The following PTGES variants were observed in gnomAD, a reference collection of about 807,000 sequenced individuals.
PTGES encodes prostaglandin E synthase.
In PTGES, 3 loss-of-function variants were observed where a neutral mutation model predicts 11.8. The ratio of observed to expected loss-of-function variants is 0.25; its 90% CI spans 0.12 to 0.66. The LOEUF is 0.66. Ranked by LOEUF, PTGES falls within the 30% of genes least tolerant of loss-of-function variation. PTGES has a pLI of 0.82. For missense variants in PTGES, 180 were observed against 213.0 expected (o/e 0.85, Z 0.96); for synonymous variants, 94 against 90.4 (o/e 1.04, Z -0.22).
Position 129,753,037 on chromosome 9 carries a change from G to A in PTGES, c.-25C>T. On this transcript the variant is annotated 5_prime_UTR_variant, in exon 1 of 3. Transcript: ENST00000340607. ...TCTCTGGCCAGCGCAGCTCAACTGT[G>A]GGTGTGATCAGCTCGACAGAGGAGC... 6.3e-7 allele frequency: 1 copy of A among 1,595,530 alleles called. No individual in the cohort carries two copies. Among genetic ancestry groups the A allele is most frequent in the African/African-American group, 1.3e-5 (1 of 74,990 alleles).
chr9:129,740,741 G>T (rs577814910), intron 2 of PTGES, among the ~76,000 whole-genome samples: 2 of 152,284 alleles, frequency 1.3e-5, no homozygotes, highest in South Asian at 2.1e-4. Context: ...CCTTTATGAA[G>T]GGTGGGGAGG....
At position 129,739,386 on chromosome 9, in the gene PTGES, C is replaced by A; in HGVS notation, c.*225G>T. 1.7e-6 allele frequency: 1 copy of A among 590,668 alleles called. No individual in the cohort carries two copies. The highest frequency in any genetic ancestry group is 2.3e-5 in the South Asian group (1 of 43,730). 36.6% of individuals were successfully genotyped at this position (590,668 alleles called of 1,614,324 possible). ...TCTGTCTTGAAATGGTTCCCATCAG[C>A]CACTTCGTGCAGGAATCCAAGGGGC... is the stretch of plus-strand genomic sequence containing the variant. On this transcript the variant is annotated 3_prime_UTR_variant, in exon 3 of 3. Transcript: ENST00000340607. The surrounding 1 kb of genome is among the most constrained non-coding windows in gnomAD (Gnocchi z 5.7).
chr9:129,745,334 A>T lies in PTGES; in HGVS notation c.209+3321T>A, dbSNP rs1353410577. Among the ~76,000 whole-genome samples the T allele has an allele frequency of 6.6e-6, 1 of 152,200 alleles. No homozygotes were observed. The highest frequency in any genetic ancestry group is 1.5e-5 in the Non-Finnish European group (1 of 68,040). On this transcript the variant is annotated intron_variant, in intron 2 of 2. Coordinates refer to ENST00000340607, the MANE Select transcript of PTGES (RefSeq NM_004878.5). This position sits in a 1 kb window ranked among gnomAD's most constrained non-coding sequence, Gnocchi z 4.2. ...TCACATTTGGACTGCAGCATGTGCT[A>T]ACCTGCAAGGCAGATTCATGCTCCA...
At chr9:129,748,957 T>TG (rs1210879731) in intron 1 of PTGES, among the ~76,000 whole-genome samples, 1 of 152,152 alleles carries the variant, frequency 6.6e-6, no homozygotes, top group Non-Finnish European at 1.5e-5. Context: ...CACAGTCCGA[T>TG]GGGGGAGTTG....
intron 1 of PTGES, among the ~76,000 whole-genome samples, chr9:129,751,202 A>G (rs913690029): frequency 6.6e-6 from 1 of 152,112 alleles, no homozygotes; most frequent in Non-Finnish European, 1.5e-5. Context: ...GCACACCTAT[A>G]GTCCCAGCTA....
intron 2 of PTGES, among the ~76,000 whole-genome samples, chr9:129,743,356 T>C (rs920521515): frequency 6.6e-6 from 1 of 152,118 alleles, no homozygotes; most frequent in Admixed American, 6.6e-5. Context: ...CCGAGAGACA[T>C]GGAGGCAGGC....
chr9:129,743,941 T>G (rs916323928), intron 2 of PTGES, among the ~76,000 whole-genome samples: 10 of 152,112 alleles, frequency 6.6e-5, no homozygotes, highest in Non-Finnish European at 1.5e-4. Context: ...CTCCACCTCC[T>G]GGGTTCAAGT....
At chr9:129,751,069 G>A (rs1251792717) in intron 1 of PTGES, among the ~76,000 whole-genome samples, 2 of 152,154 alleles carry the variant, frequency 1.3e-5, no homozygotes, top group East Asian at 3.9e-4. Flanking sequence ...GCTCACACCT[G>A]TAATCCCAGA....
Position 129,752,916 on chromosome 9 carries a change from T to C in PTGES, c.97A>G (p.Ile33Val), listed in dbSNP as rs747597953. 10 of 1,613,902 alleles carry C rather than the reference T, an allele frequency of 6.2e-6. No individual in the cohort carries two copies. The East Asian group carries it at 1.6e-4, about 25-fold the overall frequency. ...LVIKMYVVAIITGQVRLRKKA... is the reference protein window; with the variant it reads ...LVIKMYVVAIVTGQVRLRKKA... ...TTCCGCAGCCTCACTTGGCCCGTGA[T>C]GATGGCCACCACGTACATCTTGATG... The change falls in exon 1 of 3, where the codon ATC (isoleucine) becomes GTC (valine). Residue 33 changes from isoleucine to valine, a missense_variant. By Grantham distance (29) the Ile-to-Val change is conservative (BLOSUM62 3). Transcript: ENST00000340607.
chr9:129,744,152 T>C (rs779073091), intron 2 of PTGES, among the ~76,000 whole-genome samples: 4 of 151,858 alleles, frequency 2.6e-5, no homozygotes, highest in African/African-American at 4.8e-5. Context: ...CTTGACTGAG[T>C]AGGGAGATTT....
chr9:129,751,472 G>A (rs45593234), intron 1 of PTGES, among the ~76,000 whole-genome samples: 13,190 of 151,466 alleles, frequency 0.087, 1,269 homozygotes, highest in African/African-American at 0.24. Flanking sequence ...TGAGGTCAGG[G>A]GTTCAAGACC....
chr9:129,739,799 A>G lies in PTGES; in HGVS notation c.271T>C (p.Phe91Leu), dbSNP rs1448914442. 1.3e-6 allele frequency: 2 copies of G among 1,573,474 alleles called. No individual in the cohort carries two copies. The highest frequency in any genetic ancestry group is 2.3e-5 in the East Asian group (1 of 42,856). ...PFLFLGFVYS[F>L]LGPNPFVAWM... ...GCGACAAAAGGGTTAGGACCCAGAAAGGAGTAGACGAAGCCCAGGAAAAGG... is the reference window on the plus strand; with the variant it reads ...GCGACAAAAGGGTTAGGACCCAGAAGGGAGTAGACGAAGCCCAGGAAAAGG... Residue 91 changes from phenylalanine to leucine, a missense_variant, in exon 3 of 3, where the codon TTT becomes CTT. Coordinates refer to ENST00000340607, the MANE Select transcript of PTGES (RefSeq NM_004878.5). This position sits in a 1 kb window ranked among gnomAD's most constrained non-coding sequence, Gnocchi z 5.7.
chr9:129,751,574 G>T (rs1242804418), intron 1 of PTGES, among the ~76,000 whole-genome samples: 1 of 151,978 alleles, frequency 6.6e-6, no homozygotes, highest in Non-Finnish European at 1.5e-5. Context: ...AGCTACCGGG[G>T]AGGCTGAGGC....
intron 2 of PTGES, among the ~76,000 whole-genome samples, chr9:129,746,546 G>A (rs895698659): frequency 6.6e-6 from 1 of 152,070 alleles, no homozygotes; most frequent in Non-Finnish European, 1.5e-5. Flanking sequence ...AAAACCACAA[G>A]TGGACATATT....
intron 2 of PTGES, among the ~76,000 whole-genome samples, chr9:129,747,394 CTG>C (rs1833058336): frequency 6.6e-6 from 1 of 152,092 alleles, no homozygotes; most frequent in African/African-American, 2.4e-5. Context: ...CTTTCTGTCT[CTG>C]TGTTTTTTCA....
chr9:129,752,487 G>A (rs1405747905), intron 1 of PTGES, among the ~76,000 whole-genome samples: 2 of 152,328 alleles, frequency 1.3e-5, no homozygotes, highest in African/African-American at 4.8e-5. Flanking sequence ...CCACTTAAAC[G>A]TTTCTCGGAC....
At chr9:129,747,564 T>C (rs1184157818) in intron 2 of PTGES, among the ~76,000 whole-genome samples, 8 of 152,200 alleles carry the variant, frequency 5.3e-5, no homozygotes, top group Non-Finnish European at 1.2e-4. Flanking sequence ...TTTTCACCTA[T>C]CACCTTGGTA....
intron 2 of PTGES, among the ~76,000 whole-genome samples, chr9:129,742,557 C>G (rs376445311): frequency 6.6e-6 from 1 of 152,102 alleles, no homozygotes; most frequent in African/African-American, 2.4e-5. Flanking sequence ...TCAGGAAAAG[C>G]ACAACCAGCA....
At chr9:129,744,434 G>C (rs1442498189) in intron 2 of PTGES, among the ~76,000 whole-genome samples, 2 of 152,050 alleles carry the variant, frequency 1.3e-5, no homozygotes, top group Non-Finnish European at 2.9e-5. Flanking sequence ...AATTAGCCAG[G>C]CATGGTGGCA....
Sources: allele counts gnomAD v4.1 joint callset (sites outside exome capture counted in the v4.1 genomes callset), GRCh38; gene constraint gnomAD v4.1.1; non-coding constraint Gnocchi (gnomAD v3.1); transcripts MANE v1.5; gene names NCBI Gene and HGNC (gene_info 2026-07-23, HGNC 2026-07-21).